NREP: variants seen among roughly 807,000 people sequenced by gnomAD.
NREP encodes neuronal regeneration-related protein.
NREP carries 5 observed loss-of-function variants against 8.6 expected under a neutral mutation model. The observed-to-expected ratio is 0.58, with a 90% CI of 0.30 to 1.22. The LOEUF (loss-of-function observed/expected upper bound fraction) is 1.22, where lower values mean the gene tolerates loss of function less well. Ranked by LOEUF, NREP falls within the 50% of genes most tolerant of loss-of-function variation. NREP has a pLI of 0.07. For synonymous variants in NREP, 27 were observed against 28.0 expected, an observed-to-expected ratio of 0.96 and a Z score of 0.11; for missense variants, 86 against 82.5, an observed-to-expected ratio of 1.04 and a Z score of -0.17.
At chr5:111,958,954 G>T (rs1193783305) in intron 2 of NREP, among the ~76,000 whole-genome samples, 1 of 151,686 alleles carries the variant, frequency 6.6e-6, no homozygotes, top group Non-Finnish European at 1.5e-5. Context: ...ATAGCCTTAC[G>T]GTATATCACA....
Position 111,933,862 on chromosome 5 carries a change from C to T in NREP, c.135+41412G>A, listed in dbSNP as rs80326077. On this transcript the variant is annotated intron_variant, in intron 2 of 3. Coordinates refer to the NREP transcript ENST00000395634. ...AGAAGCTAGGGAGGACTTAGATAGT[C>T]GCAGAAACCAGAAAGGGTCTGTAAC... 2.8e-3 allele frequency among the ~76,000 whole-genome samples: 423 copies of T among 152,180 alleles called. 10 individuals carry two copies. In the East Asian group the frequency reaches 0.052, roughly 19 times the overall value.
chr5:111,812,905 G>T (rs566202001), intron 2 of NREP, among the ~76,000 whole-genome samples: 1 of 152,186 alleles, frequency 6.6e-6, no homozygotes, highest in South Asian at 2.1e-4. Flanking sequence ...TATTTTGTAG[G>T]TGAGAAACTA....
intron 2 of NREP, among the ~76,000 whole-genome samples, chr5:111,832,585 A>C (rs4443465): frequency 0.14 from 21,985 of 151,926 alleles, 3,105 homozygotes; most frequent in African/African-American, 0.37. Flanking sequence ...AGGAAAATGC[A>C]ATAGTGTGGC....
At chr5:111,820,652 C>T (rs1253212317) in intron 2 of NREP, among the ~76,000 whole-genome samples, 1 of 151,652 alleles carries the variant, frequency 6.6e-6, no homozygotes, top group Non-Finnish European at 1.5e-5. Flanking sequence ...TAGTGCTTTT[C>T]TACACATTTA....
chr5:111,893,941 G>T (rs1317573228), intron 2 of NREP, among the ~76,000 whole-genome samples: 1 of 152,036 alleles, frequency 6.6e-6, no homozygotes, highest in Non-Finnish European at 1.5e-5. Context: ...TAACAGGCCG[G>T]GCGCAGTGGC....
intron 2 of NREP, among the ~76,000 whole-genome samples, chr5:111,902,663 T>C (rs1754674248): frequency 6.6e-6 from 1 of 152,156 alleles, no homozygotes; most frequent in East Asian, 1.9e-4. Flanking sequence ...GATGATAACA[T>C]CTTATTACAA....
intron 2 of NREP, among the ~76,000 whole-genome samples, chr5:111,781,854 T>C (rs747950792): frequency 3.3e-5 from 5 of 152,138 alleles, no homozygotes; most frequent in Non-Finnish European, 5.9e-5. Flanking sequence ...GGTTCATCTT[T>C]CAGGAATAAA....
At chr5:111,818,612 A>C (rs964454847) in intron 2 of NREP, among the ~76,000 whole-genome samples, 10 of 152,210 alleles carry the variant, frequency 6.6e-5, no homozygotes, top group Non-Finnish European at 1.0e-4. Context: ...TGAAGAAGAG[A>C]TATTGGGATT....
chr5:111,887,939 G>A (rs1268220677), intron 2 of NREP, among the ~76,000 whole-genome samples: 1 of 152,164 alleles, frequency 6.6e-6, no homozygotes, highest in Non-Finnish European at 1.5e-5. Context: ...CCTTGTTACA[G>A]CAATTACAAA....
intron 2 of NREP, among the ~76,000 whole-genome samples, chr5:111,803,693 C>G (rs1343843577): frequency 6.6e-6 from 1 of 152,082 alleles, no homozygotes; most frequent in Non-Finnish European, 1.5e-5. Flanking sequence ...AGTCCTATTA[C>G]CTAAAATATT....
chr5:111,778,303 C>T (rs186992993), intron 2 of NREP, among the ~76,000 whole-genome samples: 23 of 152,254 alleles, frequency 1.5e-4, no homozygotes, highest in East Asian at 7.7e-4. Flanking sequence ...CATCAATGCA[C>T]GTGCCAAGTG....
intron 2 of NREP, among the ~76,000 whole-genome samples, chr5:111,963,265 T>G (rs987286999): frequency 2.0e-5 from 3 of 152,172 alleles, no homozygotes; most frequent in Non-Finnish European, 4.4e-5. Flanking sequence ...GCTCACGTAC[T>G]CCCTCACACA....
intron 2 of NREP, among the ~76,000 whole-genome samples, chr5:111,953,940 G>C (rs934947315): frequency 2.0e-5 from 3 of 152,104 alleles, no homozygotes; most frequent in Non-Finnish European, 4.4e-5. Flanking sequence ...ATCACCATGT[G>C]TACCTGAGGG....
chr5:111,855,138 C>G (rs1481035627), intron 2 of NREP, among the ~76,000 whole-genome samples: 1 of 151,952 alleles, frequency 6.6e-6, no homozygotes, highest in Admixed American at 6.6e-5. Context: ...TTAAATTGTT[C>G]CAGAAAGTGT....
At chr5:111,749,837 T>C (rs1178617575) in intron 2 of NREP, among the ~76,000 whole-genome samples, 2 of 152,188 alleles carry the variant, frequency 1.3e-5, no homozygotes, top group African/African-American at 4.8e-5. Flanking sequence ...TGCTCCCTTT[T>C]CCCTTCCCAG....
At chr5:111,749,539 T>C (rs927314792) in intron 2 of NREP, among the ~76,000 whole-genome samples, 2 of 152,222 alleles carry the variant, frequency 1.3e-5, no homozygotes, top group African/African-American at 4.8e-5. Flanking sequence ...TAACAGCATG[T>C]AGGCCTCAAA....
chr5:111,855,284 G>C (rs780067153), intron 2 of NREP, among the ~76,000 whole-genome samples: 2 of 152,146 alleles, frequency 1.3e-5, no homozygotes, highest in Non-Finnish European at 2.9e-5. Context: ...TATTTTCCCT[G>C]TGCCTGTGTT....
At chr5:111,859,764 G>A (rs1256605146) in intron 2 of NREP, among the ~76,000 whole-genome samples, 3 of 151,966 alleles carry the variant, frequency 2.0e-5, no homozygotes, top group African/African-American at 7.2e-5. Flanking sequence ...CATCCCACAG[G>A]CAACTTTATC....
At chr5:111,890,080 T>C (rs1012208770) in intron 2 of NREP, among the ~76,000 whole-genome samples, 5 of 152,168 alleles carry the variant, frequency 3.3e-5, no homozygotes, top group African/African-American at 7.2e-5. Context: ...GATGTATATG[T>C]GCAGGCTTGG....
Sources: gnomAD v4.1 joint callset for allele counts (sites outside exome capture counted in the v4.1 genomes callset) on GRCh38, gnomAD v4.1.1 for gene constraint, MANE v1.5 for transcripts, NCBI Gene and HGNC (gene_info 2026-07-23, HGNC 2026-07-21) for gene names.